The following CNDP1 variants were observed in gnomAD, a reference collection of about 807,000 sequenced individuals.
CNDP1 encodes the protein beta-Ala-His dipeptidase.
A neutral mutation model predicts 58.1 loss-of-function variants in CNDP1; 44 were observed. The ratio of observed to expected loss-of-function variants is 0.76; its 90% CI spans 0.60 to 0.97. CNDP1 has a LOEUF of 0.97. CNDP1 is among the 50% of genes least tolerant of loss of function. CNDP1 has a pLI of 0.00. For missense variants in CNDP1, 616 were observed against 655.1 expected, an observed-to-expected ratio of 0.94 and a Z score of 0.65; for synonymous variants, 254 against 252.6, an observed-to-expected ratio of 1.01 and a Z score of -0.05.
intron 5 of CNDP1, 133 bp downstream of exon 5, chr18:74,562,268 G>A (rs922081186): frequency 1.2e-5 from 9 of 747,116 alleles, no homozygotes; most frequent in African/African-American, 8.7e-5. Context: ...AGGTGTGTGC[G>A]ACAATGGTAT....
chr18:74,567,713 G>C (rs779111558), intron 6 of CNDP1, among the ~76,000 whole-genome samples: 16 of 152,186 alleles, frequency 1.1e-4, no homozygotes, highest in Admixed American at 6.5e-5. Flanking sequence ...TGGAAACTCT[G>C]GCCATGGGAT....
rs1371782479 is a variant in CNDP1, at chr18:74,545,468, G to T, written c.24+10777G>T. 1.3e-5 allele frequency among the ~76,000 whole-genome samples: 2 copies of T among 152,124 alleles called. No individual in the cohort carries two copies. Among genetic ancestry groups the T allele is most frequent in the Non-Finnish European group, 2.9e-5 (2 of 68,032 alleles). On this transcript the variant is annotated intron_variant, in intron 1 of 11. Coordinates refer to ENST00000358821, the MANE Select transcript of CNDP1 (RefSeq NM_032649.6). This position sits in a 1 kb window ranked among gnomAD's most constrained non-coding sequence, Gnocchi z 4.1. ...TTAAAGGCTGTGTACGTAATTACAG[G>T]TTTCTAGAAAAGAAACGTGTTATTT... is the stretch of plus-strand genomic sequence containing the variant.
chr18:74,580,434 A>T (rs950142354), intron 10 of CNDP1, among the ~76,000 whole-genome samples, 163 bp downstream of exon 10: 1 of 152,218 alleles, frequency 6.6e-6, no homozygotes, highest in Admixed American at 6.5e-5. Context: ...CACGCTATAC[A>T]CGCCATCTCA....
At chr18:74,569,022 G>C (rs912772599) in intron 6 of CNDP1, among the ~76,000 whole-genome samples, 1 of 152,080 alleles carries the variant, frequency 6.6e-6, no homozygotes, top group East Asian at 1.9e-4. Context: ...AAAGGCAGGA[G>C]GGCAATGTGG....
chr18:74,562,170 G>C (rs760867820), intron 5 of CNDP1, 35 bp downstream of exon 5: 1 of 1,595,712 alleles, frequency 6.3e-7, no homozygotes, highest in South Asian at 1.1e-5. Flanking sequence ...AGAGGAGGAG[G>C]AGGATGGTAA....
At position 74,562,370 on chromosome 18, in the gene CNDP1, G is replaced by A. The variant is rs140200236; in HGVS notation, c.555+235G>A. On this transcript the variant is annotated intron_variant, in intron 5 of 11. Transcript: ENST00000358821. The stretch of plus-strand genomic sequence containing the variant: ...GTGGCAAGGCTGATACTTCGAGGAT[G>A]GATTCCAGCCTGCACTGTTAACCAT... Among the ~76,000 whole-genome samples the A allele has an allele frequency of 1.3e-4, 20 of 152,310 alleles. No individual in the cohort carries two copies. In the East Asian group the frequency reaches 3.7e-3, roughly 28 times the overall value.
intron 1 of CNDP1, among the ~76,000 whole-genome samples, chr18:74,555,145 C>T (rs879701895): frequency 2.0e-5 from 3 of 152,254 alleles, no homozygotes; most frequent in Admixed American, 6.5e-5. Context: ...AATTTGATAA[C>T]GTAAAACATC....
At chr18:74,573,436 C>CTATG (rs879496319) in intron 7 of CNDP1, among the ~76,000 whole-genome samples, 67,002 of 145,682 alleles carry the variant, frequency 0.46, 15,750 homozygotes, top group Admixed American at 0.54. Flanking sequence ...ATCCAACTAT[C>CTATG]TATCTATGTA....
intron 1 of CNDP1, among the ~76,000 whole-genome samples, chr18:74,550,763 T>G (rs1485542557): frequency 6.6e-6 from 1 of 150,886 alleles, no homozygotes; most frequent in East Asian, 1.9e-4. Context: ...TTGTTTTTTG[T>G]TTTTTGTTTT....
intron 9 of CNDP1, among the ~76,000 whole-genome samples, chr18:74,579,188 TCCTTCCCTTCCCTTGCCTTC>T (rs1452901572): frequency 6.5e-4 from 77 of 118,522 alleles, no homozygotes; most frequent in Admixed American, 2.2e-3. Context: ...CTTCTCCCTT[TCCTTCCCTTCCCTTGCCTTC>T]CCTTCCCTTC....
At chr18:74,576,717 A>T in intron 7 of CNDP1, 152 bp from the exon 8 acceptor site, 1 of 546,746 alleles carries the variant, frequency 1.8e-6, no homozygotes, top group Non-Finnish European at 3.2e-6. Flanking sequence ...CACTTCTTGG[A>T]TGGAGTTGCT....
intron 2 of CNDP1, among the ~76,000 whole-genome samples, chr18:74,558,838 G>A (rs1250667791): frequency 6.6e-6 from 1 of 152,138 alleles, no homozygotes; most frequent in Non-Finnish European, 1.5e-5. Flanking sequence ...GGAGGGGCAG[G>A]CCAGGGAATC....
At chr18:74,576,659 C>T (rs764336842) in intron 7 of CNDP1, 17 of 452,374 alleles carry the variant, frequency 3.8e-5, no homozygotes, top group South Asian at 1.1e-4. Flanking sequence ...TAAAGCAGGG[C>T]GGACTCCAGC....
At position 74,550,755 on chromosome 18, in the gene CNDP1, G is replaced by T. The variant is rs1211120598; in HGVS notation, c.25-5583G>T. Among the ~76,000 whole-genome samples, 32 of 143,396 alleles carry T rather than the reference G, an allele frequency of 2.2e-4. 1 individual carries two copies. Among genetic ancestry groups the T allele is most frequent in the Admixed American group, 9.1e-4 (13 of 14,316 alleles). The allele number at this position is 143,396 out of a possible 152,430, so 94.1% of individuals were successfully genotyped here. A position where few individuals can be genotyped will look rare whatever the true frequency, so the allele number is the denominator to read the frequency against. On this transcript the variant is annotated intron_variant, in intron 1 of 11. Transcript: ENST00000358821. Reference sequence around the variant, plus strand: ...CCACGCCCGACTATTTTTTTTTTTTGTTTTTTGTTTTTTGTTTTGTATTTT... The same window carrying T: ...CCACGCCCGACTATTTTTTTTTTTTTTTTTTTGTTTTTTGTTTTGTATTTT...
At chr18:74,555,307 C>A (rs1013198505) in intron 1 of CNDP1, among the ~76,000 whole-genome samples, 3 of 152,182 alleles carry the variant, frequency 2.0e-5, no homozygotes, top group African/African-American at 7.2e-5. Flanking sequence ...TAGCTGGTGG[C>A]TTTCCTAGCC....
intron 2 of CNDP1, among the ~76,000 whole-genome samples, chr18:74,558,392 C>CTTTTTTTTTTTT (rs71168498): frequency 6.2e-4 from 71 of 114,300 alleles, no homozygotes; most frequent in African/African-American, 7.9e-4. Flanking sequence ...CTTTCTTTTT[C>CTTTTTTTTTTTT]TTTTTTTTTT....
intron 3 of CNDP1, 65 bp from the exon 4 acceptor site, chr18:74,560,790 TG>T: frequency 6.8e-7 from 1 of 1,473,556 alleles, no homozygotes; most frequent in East Asian, 2.3e-5. Context: ...CCCAATGTCA[TG>T]TCTTTGAATT....
chr18:74,536,409 C>T (rs181493612), intron 1 of CNDP1, among the ~76,000 whole-genome samples: 1 of 152,308 alleles, frequency 6.6e-6, no homozygotes, highest in Non-Finnish European at 1.5e-5. Context: ...TCTGTTCCTG[C>T]ATTAGTTTGC....
intron 6 of CNDP1, among the ~76,000 whole-genome samples, chr18:74,567,642 G>A (rs1981365537): frequency 6.6e-6 from 1 of 152,180 alleles, no homozygotes; most frequent in African/African-American, 2.4e-5. Flanking sequence ...GAGTGGATGT[G>A]GCTATGTACC....
Sources: gnomAD v4.1 joint callset for allele counts (sites outside exome capture counted in the v4.1 genomes callset) on GRCh38, gnomAD v4.1.1 for gene constraint, Gnocchi (gnomAD v3.1) non-coding constraint, MANE v1.5 for transcripts, NCBI Gene and HGNC (gene_info 2026-07-23, HGNC 2026-07-21) for gene names.